Variants in THOC5 observed in about 807,000 individuals in gnomAD.
THOC5 encodes the protein Fms-interacting protein.
Under a neutral mutation model 92.9 loss-of-function variants are expected in THOC5, and 43 were observed. The ratio of observed to expected loss-of-function variants is 0.46; its 90% CI spans 0.36 to 0.60. THOC5 has a LOEUF of 0.60. THOC5 is among the 20% of genes least tolerant of loss of function. THOC5 has a pLI of 0.00. For synonymous variants in THOC5, 296 were observed against 320.1 expected (o/e 0.92, Z 0.80); for missense variants, 659 against 849.4 (o/e 0.78, Z 2.79).
At chr22:29,508,559 T>C (rs1385382676) in intron 19 of THOC5, 39 bp from the exon 20 acceptor site, 1 of 1,537,974 alleles carries the variant, frequency 6.5e-7, no homozygotes, top group Non-Finnish European at 9.0e-7. Context: ...ATAACACACC[T>C]TCTAGGCTGA....
At chr22:29,532,786 T>G (rs992588363) in intron 7 of THOC5, among the ~76,000 whole-genome samples, 2 of 152,202 alleles carry the variant, frequency 1.3e-5, no homozygotes, top group African/African-American at 4.8e-5. Flanking sequence ...GAGACCAGCC[T>G]GGCCAACATG....
chr22:29,508,593 C>T, intron 19 of THOC5, 73 bp from the exon 20 acceptor site: 3 of 1,364,502 alleles, frequency 2.2e-6, no homozygotes, highest in Non-Finnish European at 3.1e-6. Flanking sequence ...GGTTCATTCA[C>T]ACAAGGGAAA....
At chr22:29,551,519 G>A (rs544428164) in intron 1 of THOC5, among the ~76,000 whole-genome samples, 2 of 152,146 alleles carry the variant, frequency 1.3e-5, no homozygotes, top group Non-Finnish European at 2.9e-5. Flanking sequence ...GCAAGCAGAG[G>A]TGAGAGAATC....
chr22:29,551,982 T>G (rs2064160012), intron 1 of THOC5, among the ~76,000 whole-genome samples: 2 of 152,160 alleles, frequency 1.3e-5, no homozygotes, highest in South Asian at 4.1e-4. Context: ...AGACGGGGTT[T>G]CGCTGTGTTG....
chr22:29,513,774 G>A (rs947071519), intron 17 of THOC5: 1 of 152,152 alleles, frequency 6.6e-6, no homozygotes, highest in Non-Finnish European at 1.5e-5. Context: ...GAGGCAGAAG[G>A]ATGGTTTGAA....
intron 12 of THOC5, 54 bp downstream of exon 12, chr22:29,525,784 G>T (rs2063530130): frequency 2.8e-6 from 4 of 1,426,666 alleles, no homozygotes; most frequent in Non-Finnish European, 3.9e-6. Context: ...CCACAATGAG[G>T]CTCTCATCAC....
chr22:29,520,887 T>G (rs1212355595), intron 13 of THOC5, 111 bp downstream of exon 13: 2 of 772,326 alleles, frequency 2.6e-6, no homozygotes, highest in Non-Finnish European at 4.5e-6. Context: ...CCCTGTGGTC[T>G]TTCCTATCCT....
chr22:29,548,372 G>A (rs1232257616), intron 2 of THOC5, among the ~76,000 whole-genome samples: 1 of 152,038 alleles, frequency 6.6e-6, no homozygotes, highest in Non-Finnish European at 1.5e-5. Context: ...CCTGGGTAAC[G>A]TGGCAAAACC....
intron 8 of THOC5, among the ~76,000 whole-genome samples, 168 bp from the exon 9 acceptor site, chr22:29,529,407 C>T (rs2063609585): frequency 6.6e-6 from 1 of 152,216 alleles, no homozygotes; most frequent in South Asian, 2.1e-4. Context: ...CAAGGTGGGA[C>T]ACTTAAGCTT....
In THOC5 at chr22:29,511,439, A is replaced by T. The variant is rs1019155457; in HGVS notation, c.1798-143T>A. On this transcript the variant is annotated intron_variant, in intron 18 of 19. Transcript: ENST00000490103. ...AGGGGCTAGGCCATCAGATCAAGCT[A>T]GACTGGCTTGTCCTCAGGCCCCCTC... The T allele has an allele frequency of 6.0e-6, 5 of 826,828 alleles. No individual in the cohort carries two copies. The South Asian group carries it at 8.9e-5, about 15-fold the overall frequency. The allele number at this position is 826,828 out of a possible 1,614,324, so 51.2% of individuals were successfully genotyped here.
rs2063160519 is a variant in THOC5, at chr22:29,508,443, G to A, written c.*14C>T. On this transcript the variant is annotated 3_prime_UTR_variant, in exon 20 of 20. Coordinates refer to ENST00000490103, the MANE Select transcript of THOC5 (RefSeq NM_003678.5). Reference sequence around the variant, plus strand: ...GGGTGAGGCCTTGGGGGAAACAACGGTCTGCGCGGGAGATCAGCGATGGCT... The same window carrying A: ...GGGTGAGGCCTTGGGGGAAACAACGATCTGCGCGGGAGATCAGCGATGGCT... The A allele has an allele frequency of 1.2e-6, 2 of 1,613,966 alleles. No homozygotes were observed. Among genetic ancestry groups the A allele is most frequent in the African/African-American group, 1.3e-5 (1 of 74,920 alleles).
At chr22:29,537,828 T>C (rs2063790849) in intron 6 of THOC5, among the ~76,000 whole-genome samples, 1 of 148,452 alleles carries the variant, frequency 6.7e-6, no homozygotes, top group Non-Finnish European at 1.5e-5. Context: ...GAGGTGGAGG[T>C]TGCAGCAAGC....
At chr22:29,529,918 G>A (rs188956935) in intron 8 of THOC5, among the ~76,000 whole-genome samples, 2 of 152,320 alleles carry the variant, frequency 1.3e-5, no homozygotes, top group East Asian at 3.9e-4. Context: ...GAGGCAGGTG[G>A]ATCACCTGAG....
chr22:29,511,436 G>T, intron 18 of THOC5, 140 bp from the exon 19 acceptor site: 1 of 830,572 alleles, frequency 1.2e-6, no homozygotes, highest in Non-Finnish European at 1.8e-6. Context: ...ATCAGATCAA[G>T]CTAGACTGGC....
chr22:29,516,459 G>A (rs2063334209), intron 17 of THOC5, among the ~76,000 whole-genome samples: 1 of 152,168 alleles, frequency 6.6e-6, no homozygotes, highest in African/African-American at 2.4e-5. Flanking sequence ...AGATCCCACG[G>A]GCAGTGCCAG....
Position 29,525,869 on chromosome 22 carries a change from C to T in THOC5, c.1144G>A (p.Ala382Thr), listed in dbSNP as rs779529697. The T allele has an allele frequency of 6.2e-7, 1 of 1,613,972 alleles. No individual in the cohort carries two copies. Among genetic ancestry groups the T allele is most frequent in the African/African-American group, 1.3e-5 (1 of 75,012 alleles). Reference protein sequence around the residue: ...IMTVKAKVTTAMELITPISAG... With the variant: ...IMTVKAKVTTTMELITPISAG... ...CTGATGGGGGTGATCAGCTCCATGG[C>T]AGTTGTCACTTTGGCTTTTACTGTC... The change falls in exon 12 of 20, where the codon GCC (alanine) becomes ACC (threonine). Residue 382 changes from alanine (A) to threonine (T), a missense_variant. Transcript: ENST00000490103.
At chr22:29,520,941 A>C in intron 13 of THOC5, 57 bp downstream of exon 13, 3 of 1,374,542 alleles carry the variant, frequency 2.2e-6, no homozygotes, top group Non-Finnish European at 3.1e-6. Context: ...ATTTAGCTTG[A>C]GCCACCAGAG....
At chr22:29,531,085 AG>A in intron 8 of THOC5, 1 of 1,155,362 alleles carries the variant, frequency 8.7e-7, no homozygotes, top group Non-Finnish European at 1.1e-6. Flanking sequence ...CACCCTGTCT[AG>A]GGGGCTGGGA....
intron 18 of THOC5, chr22:29,511,514 C>T (rs940320702): frequency 3.7e-6 from 2 of 542,404 alleles, no homozygotes; most frequent in Middle Eastern, 9.7e-4. Context: ...TTCCCTGCCT[C>T]ATATGCCCAC....
Sources: gnomAD v4.1 joint callset for allele counts (sites outside exome capture counted in the v4.1 genomes callset) on GRCh38, gnomAD v4.1.1 for gene constraint, MANE v1.5 for transcripts, NCBI Gene and HGNC (gene_info 2026-07-23, HGNC 2026-07-21) for gene names.